The following GHR variants were observed in gnomAD, a reference collection of about 807,000 sequenced individuals.
The protein encoded by GHR is growth hormone receptor.
GHR carries 35 observed loss-of-function variants against 67.1 expected under a neutral mutation model. That is an observed-to-expected ratio of 0.52 (90% CI 0.40 to 0.69). The LOEUF (loss-of-function observed/expected upper bound fraction) is 0.69. Ranked by LOEUF, GHR falls within the 30% of genes least tolerant of loss-of-function variation. GHR has a pLI of 0.00. For missense variants in GHR, 792 were observed against 764.6 expected (o/e 1.04, Z -0.42); for synonymous variants, 272 against 269.1 (o/e 1.01, Z -0.10).
intron 2 of GHR, among the ~76,000 whole-genome samples, chr5:42,609,210 G>A (rs975369808): frequency 6.6e-6 from 1 of 152,170 alleles, no homozygotes; most frequent in Non-Finnish European, 1.5e-5. Context: ...TGAGCAGTGG[G>A]AGAGGAGCAA....
chr5:42,480,628 T>A (rs1745583411), intron 1 of GHR, among the ~76,000 whole-genome samples: 1 of 152,238 alleles, frequency 6.6e-6, no homozygotes, highest in Non-Finnish European at 1.5e-5. Context: ...ATTGATCCCT[T>A]TACCATTATG....
intron 2 of GHR, among the ~76,000 whole-genome samples, chr5:42,597,869 G>A (rs1004621284): frequency 6.6e-6 from 1 of 152,210 alleles, no homozygotes; most frequent in Admixed American, 6.5e-5. Flanking sequence ...GTTGGGGAGG[G>A]CACACTGAGT....
intron 1 of GHR, among the ~76,000 whole-genome samples, chr5:42,504,266 C>A (rs1306927569): frequency 6.6e-6 from 1 of 152,062 alleles, no homozygotes; most frequent in Non-Finnish European, 1.5e-5. Context: ...GTTCAGTTTA[C>A]CTGATTTTAT....
At chr5:42,525,452 G>A (rs2112320274) in intron 1 of GHR, among the ~76,000 whole-genome samples, 1 of 152,298 alleles carries the variant, frequency 6.6e-6, no homozygotes, top group South Asian at 2.1e-4. Flanking sequence ...TTGTATCTAG[G>A]AAGTAACTAG....
chr5:42,436,693 G>A (rs1353958428), intron 1 of GHR, among the ~76,000 whole-genome samples: 3 of 152,172 alleles, frequency 2.0e-5, no homozygotes, highest in African/African-American at 7.2e-5. Context: ...CTGAGTTTTG[G>A]ATAGTTGACC....
At chr5:42,515,389 C>T (rs1747193291) in intron 1 of GHR, among the ~76,000 whole-genome samples, 2 of 152,160 alleles carry the variant, frequency 1.3e-5, no homozygotes, top group Non-Finnish European at 2.9e-5. Flanking sequence ...AGTCAATTTA[C>T]CAATGGAATC....
intron 1 of GHR, among the ~76,000 whole-genome samples, chr5:42,480,709 C>T (rs564022617): frequency 6.6e-6 from 1 of 152,242 alleles, no homozygotes; most frequent in Admixed American, 6.5e-5. Flanking sequence ...AGGATTGCAA[C>T]CCCTGCCTTT....
chr5:42,588,833 G>A (rs376395957), intron 2 of GHR, among the ~76,000 whole-genome samples: 1 of 151,974 alleles, frequency 6.6e-6, no homozygotes, highest in African/African-American at 2.4e-5. Flanking sequence ...TTATGCCCCA[G>A]GCTTTTCAGG....
intron 1 of GHR, among the ~76,000 whole-genome samples, chr5:42,558,186 G>A (rs367828423): frequency 3.0e-4 from 46 of 152,034 alleles, no homozygotes; most frequent in African/African-American, 1.1e-3. Context: ...AGTACCCTTG[G>A]AAAAAAGCAA....
At chr5:42,608,353 C>T (rs1047905506) in intron 2 of GHR, among the ~76,000 whole-genome samples, 6 of 152,030 alleles carry the variant, frequency 3.9e-5, no homozygotes, top group East Asian at 3.9e-4. Flanking sequence ...CAAAGTTAAT[C>T]GCTCAGCAGT....
intron 3 of GHR, among the ~76,000 whole-genome samples, chr5:42,661,957 C>A (rs143699474): frequency 2.0e-4 from 31 of 152,164 alleles, no homozygotes; most frequent in East Asian, 3.9e-4. Context: ...TTGCAATCCT[C>A]GTCTCTGATA....
intron 3 of GHR, chr5:42,646,410 A>T: frequency 2.2e-6 from 1 of 450,512 alleles, no homozygotes; most frequent in Non-Finnish European, 4.5e-6. Context: ...CATGAAAACT[A>T]ATACGGGTTA....
chr5:42,467,176 C>T (rs1374224060), intron 1 of GHR: 3 of 1,596,666 alleles, frequency 1.9e-6, no homozygotes, highest in African/African-American at 2.7e-5. Flanking sequence ...GACAAAAAGG[C>T]AAGAGAGCTG....
chr5:42,560,088 T>A (rs1286211210), intron 1 of GHR, among the ~76,000 whole-genome samples: 4 of 152,310 alleles, frequency 2.6e-5, no homozygotes, highest in East Asian at 1.9e-4. Context: ...TTAAAAAAAA[T>A]ACTTGATACA....
At chr5:42,611,293 C>A (rs758348288) in intron 2 of GHR, among the ~76,000 whole-genome samples, 7 of 152,054 alleles carry the variant, frequency 4.6e-5, no homozygotes, top group Middle Eastern at 3.5e-3. Context: ...AATTTTAAGT[C>A]CAAATTTCCT....
chr5:42,447,075 A>T (rs1490752712), intron 1 of GHR, among the ~76,000 whole-genome samples: 1 of 152,232 alleles, frequency 6.6e-6, no homozygotes, highest in Non-Finnish European at 1.5e-5. Flanking sequence ...GTGAACAGCA[A>T]ATCTGCTATT....
intron 2 of GHR, among the ~76,000 whole-genome samples, chr5:42,603,867 T>C (rs1404739710): frequency 6.6e-6 from 1 of 152,180 alleles, no homozygotes; most frequent in African/African-American, 2.4e-5. Context: ...CCCGAGACTG[T>C]CTTCCTCAAC....
intron 1 of GHR, chr5:42,466,028 TC>T (rs1744717303): frequency 2.0e-6 from 1 of 511,142 alleles, no homozygotes; most frequent in Admixed American, 3.2e-5. Flanking sequence ...TTTTTATTTT[TC>T]CTCTAGGCAA....
At chr5:42,686,628 C>G (rs544998333) in intron 3 of GHR, among the ~76,000 whole-genome samples, 3 of 152,154 alleles carry the variant, frequency 2.0e-5, no homozygotes, top group African/African-American at 7.2e-5. Context: ...AATTCAACAG[C>G]CTTTCATGCT....
Sources: gnomAD v4.1 joint callset for allele counts (sites outside exome capture counted in the v4.1 genomes callset) on GRCh38, gnomAD v4.1.1 for gene constraint, MANE v1.5 for transcripts, NCBI Gene and HGNC (gene_info 2026-07-23, HGNC 2026-07-21) for gene names.